CXXC5: variants seen among roughly 807,000 people sequenced by gnomAD.
The protein encoded by CXXC5 is CXXC finger protein 5.
Under a neutral mutation model 17.6 loss-of-function variants are expected in CXXC5, and 2 were observed. That is an observed-to-expected ratio of 0.11 (90% CI 0.05 to 0.36). The LOEUF is 0.36. Among genes scored for constraint, CXXC5 ranks in the 10% least tolerant of loss-of-function variants. CXXC5 has a pLI of 1.00. For synonymous variants in CXXC5, 171 were observed against 193.0 expected (o/e 0.89, Z 0.94); for missense variants, 343 against 458.3 (o/e 0.75, Z 2.30).
At position 139,664,283 on chromosome 5, in the gene CXXC5, G is replaced by A. The variant is rs535448690; in HGVS notation, c.-161+15438G>A. 9.2e-5 allele frequency among the ~76,000 whole-genome samples: 14 copies of A among 152,314 alleles called. No homozygotes were observed. In the East Asian group the frequency reaches 2.3e-3, roughly 25 times the overall value. On this transcript the variant is annotated intron_variant, in intron 1 of 2. Transcript: ENST00000302517. ...GCAGACAGGTTCTGGGAAACTCCATGGTTAGGCCTGTGGAAGCTGCCTCGG... is the reference window on the plus strand; with the variant it reads ...GCAGACAGGTTCTGGGAAACTCCATAGTTAGGCCTGTGGAAGCTGCCTCGG...
At chr5:139,672,204 G>A (rs1756513301) in intron 1 of CXXC5, among the ~76,000 whole-genome samples, 1 of 152,114 alleles carries the variant, frequency 6.6e-6, no homozygotes, top group South Asian at 2.1e-4. Flanking sequence ...TGCAACCTCT[G>A]CCTCCCAGGT....
Position 139,670,894 on chromosome 5 carries a change from T to C in CXXC5, c.-160-9470T>C, listed in dbSNP as rs1756426682. Among the ~76,000 whole-genome samples the C allele has an allele frequency of 6.6e-6, 1 of 152,202 alleles. No homozygotes were observed. The highest frequency in any genetic ancestry group is 1.5e-5 in the Non-Finnish European group (1 of 68,020). ...AGTCCACTGGACACACACACAGTTG[T>C]GCAGCACACCTCCCAGGTAGACACG... On this transcript the variant is annotated intron_variant, in intron 1 of 2. Transcript: ENST00000302517. The surrounding 1 kb of genome is among the most constrained non-coding windows in gnomAD (Gnocchi z 4.2).
intron 1 of CXXC5, among the ~76,000 whole-genome samples, chr5:139,652,157 C>G (rs879256077): frequency 1.8e-5 from 2 of 114,176 alleles, no homozygotes; most frequent in South Asian, 6.0e-4. Context: ...GGCGCGCGCG[C>G]GCGCGCGCGC....
At position 139,663,197 on chromosome 5, in the gene CXXC5, G is replaced by T. The variant is rs1755917281; in HGVS notation, c.-161+14352G>T. 6.6e-6 allele frequency among the ~76,000 whole-genome samples: 1 copy of T among 152,154 alleles called. No individual in the cohort carries two copies. Among genetic ancestry groups the T allele is most frequent in the Admixed American group, 6.5e-5 (1 of 15,276 alleles). On this transcript the variant is annotated intron_variant, in intron 1 of 2. Coordinates refer to ENST00000302517, the MANE Select transcript of CXXC5 (RefSeq NM_016463.9). The surrounding 1 kb of genome is among the most constrained non-coding windows in gnomAD (Gnocchi z 4.2). The stretch of plus-strand genomic sequence containing the variant: ...GGGTGTTGGGTGGAAAATCCTGGAG[G>T]CTTCCTAATATCAGAGGGAGCAGAG...
chr5:139,672,279 G>T (rs1357483809), intron 1 of CXXC5, among the ~76,000 whole-genome samples: 1 of 152,060 alleles, frequency 6.6e-6, no homozygotes, highest in Admixed American at 6.6e-5. Flanking sequence ...CACCACGCTC[G>T]GCTAATTTTT....
intron 1 of CXXC5, among the ~76,000 whole-genome samples, chr5:139,662,966 C>T (rs1479309868): frequency 6.6e-6 from 1 of 152,150 alleles, no homozygotes; most frequent in African/African-American, 2.4e-5. Flanking sequence ...GCGAGCATGC[C>T]CCTCCACCTG....
rs113368828 is a variant in CXXC5 at position 139,673,953 on chromosome 5, G to A, written c.-160-6411G>A. Among the ~76,000 whole-genome samples, 7 of 152,278 alleles carry A rather than the reference G, an allele frequency of 4.6e-5. 1 individual carries two copies. The highest frequency in any genetic ancestry group is 1.4e-4 in the African/African-American group (6 of 41,550). ...TGGCACCCACCCCAGCAGGAGGGGT[G>A]TAAGAGGGTCAGGGGTGTGGAGTCG... On this transcript the variant is annotated intron_variant, in intron 1 of 2. Coordinates refer to ENST00000302517, the MANE Select transcript of CXXC5 (RefSeq NM_016463.9).
At position 139,670,658 on chromosome 5, in the gene CXXC5, G is replaced by A. The variant is rs969842253; in HGVS notation, c.-160-9706G>A. Among the ~76,000 whole-genome samples the A allele has an allele frequency of 2.0e-5, 3 of 152,192 alleles. No homozygotes were observed. The highest frequency in any genetic ancestry group is 7.2e-5 in the African/African-American group (3 of 41,442). ...GACTCCACAAACATCCTCTCACCACGTAAACCACCCTATTCGCACACACGT... is the reference window on the plus strand; with the variant it reads ...GACTCCACAAACATCCTCTCACCACATAAACCACCCTATTCGCACACACGT... On this transcript the variant is annotated intron_variant, in intron 1 of 2. Coordinates refer to ENST00000302517, the MANE Select transcript of CXXC5 (RefSeq NM_016463.9). The surrounding 1 kb of genome is among the most constrained non-coding windows in gnomAD (Gnocchi z 4.2).
intron 2 of CXXC5, 79 bp downstream of exon 2, chr5:139,681,526 A>T: frequency 4.1e-6 from 6 of 1,481,478 alleles, no homozygotes; most frequent in Non-Finnish European, 5.4e-6. Context: ...CCCTGACCCC[A>T]CTTTTCCTAC....
intron 1 of CXXC5, among the ~76,000 whole-genome samples, chr5:139,657,313 C>T (rs1197508031): frequency 6.6e-6 from 1 of 152,212 alleles, no homozygotes; most frequent in African/African-American, 2.4e-5. Flanking sequence ...TGTGCTGTTT[C>T]CTGCACCTTC....
At position 139,680,745 on chromosome 5, in the gene CXXC5, C is replaced by T. The variant is rs746631038; in HGVS notation, c.222C>T (p.Arg74=). 2.8e-5 allele frequency: 45 copies of T among 1,613,510 alleles called. No individual in the cohort carries two copies. Among genetic ancestry groups the T allele is most frequent in the Non-Finnish European group, 3.6e-5 (43 of 1,180,032 alleles). Residue 74 remains arginine, a synonymous_variant, in exon 2 of 3, where the codon CGC becomes CGT. Coordinates refer to ENST00000302517, the MANE Select transcript of CXXC5 (RefSeq NM_016463.9). ...GTGAGCCCCTCAACAAGAGCCTGCG[C>T]CGCTCCCGCCCGCTCTCCCACTACT... ...IISEPLNKSL[R]RSRPLSHYSS...
In CXXC5 at chr5:139,682,940, C is replaced by A; in HGVS notation, c.*33C>A. The A allele has an allele frequency of 6.4e-7, 1 of 1,563,534 alleles. No individual in the cohort carries two copies. The highest frequency in any genetic ancestry group is 1.2e-5 in the South Asian group (1 of 86,060). On this transcript the variant is annotated 3_prime_UTR_variant, in exon 3 of 3. Transcript: ENST00000302517. ...GGAACCCAAAGCTGCCCTCTCCGTG[C>A]AATGTCACTGCTCGTGTGGTCTCCA...
chr5:139,681,362 G>A lies in CXXC5; in HGVS notation c.839G>A (p.Ser280Asn). Residue 280 changes from serine to asparagine, a missense_variant, in exon 2 of 3, where the codon AGT (serine) becomes AAT (asparagine). Coordinates refer to ENST00000302517, the MANE Select transcript of CXXC5 (RefSeq NM_016463.9). ...RRRINCEQCS[S>N]CRNRKTGHQI... The stretch of plus-strand genomic sequence containing the variant: ...CGCATCAACTGCGAGCAGTGCAGCA[G>A]TTGTAGGAATCGAAAGACTGGCCAT... 1.2e-6 allele frequency: 2 copies of A among 1,600,386 alleles called. No individual in the cohort carries two copies. Among genetic ancestry groups the A allele is most frequent in the East Asian group, 2.2e-5 (1 of 44,588 alleles).
intron 2 of CXXC5, 116 bp from the exon 3 acceptor site, chr5:139,682,747 C>T: frequency 9.1e-7 from 1 of 1,099,874 alleles, no homozygotes; most frequent in Non-Finnish European, 1.3e-6. Flanking sequence ...GGTGGCTGCT[C>T]TTCCTCCATG....
intron 1 of CXXC5, among the ~76,000 whole-genome samples, chr5:139,676,532 C>A (rs560712661): frequency 1.7e-5 from 1 of 58,532 alleles, no homozygotes; most frequent in African/African-American, 7.8e-5. Flanking sequence ...TCCCCAGTGT[C>A]CTCCCCACCC....
At chr5:139,662,328 G>C (rs1581584899) in intron 1 of CXXC5, among the ~76,000 whole-genome samples, 1 of 152,154 alleles carries the variant, frequency 6.6e-6, no homozygotes, top group Admixed American at 6.5e-5. Flanking sequence ...GCTGAGAGCT[G>C]AGGGTATGCC....
Position 139,683,003 on chromosome 5 carries a change from C to T in CXXC5, c.*96C>T. On this transcript the variant is annotated 3_prime_UTR_variant, in exon 3 of 3. Coordinates refer to ENST00000302517, the MANE Select transcript of CXXC5 (RefSeq NM_016463.9). ...GGCGAAGACAAACGGATGCACCCGT[C>T]TTTAGAACCAAAAATATTCTCTCAC... The T allele has an allele frequency of 9.5e-7, 1 of 1,057,944 alleles. No homozygotes were observed. The highest frequency in any genetic ancestry group is 1.3e-6 in the Non-Finnish European group (1 of 776,194). The allele number at this position is 1,057,944 out of a possible 1,614,324, so 65.5% of individuals were successfully genotyped here.
At chr5:139,666,500 C>T (rs1756121570) in intron 1 of CXXC5, among the ~76,000 whole-genome samples, 1 of 152,184 alleles carries the variant, frequency 6.6e-6, no homozygotes, top group Non-Finnish European at 1.5e-5. Context: ...GGAGCGTGGG[C>T]TTTGGTGTGG....
At chr5:139,679,106 C>G (rs1375396859) in intron 1 of CXXC5, among the ~76,000 whole-genome samples, 1 of 152,198 alleles carries the variant, frequency 6.6e-6, no homozygotes, top group Non-Finnish European at 1.5e-5. Context: ...GAGGGTCACG[C>G]CTACTCCTCA....
Sources: gnomAD v4.1 joint callset for allele counts (sites outside exome capture counted in the v4.1 genomes callset) on GRCh38, gnomAD v4.1.1 for gene constraint, Gnocchi (gnomAD v3.1) non-coding constraint, MANE v1.5 for transcripts, NCBI Gene and HGNC (gene_info 2026-07-23, HGNC 2026-07-21) for gene names.